The following ESRRG variants were observed in gnomAD, a reference collection of about 807,000 sequenced individuals.
ESRRG encodes the protein estrogen-related receptor gamma.
In ESRRG, 13 loss-of-function variants were observed where a neutral mutation model predicts 44.0. That is an observed-to-expected ratio of 0.30 (90% confidence interval 0.19 to 0.47). The LOEUF (loss-of-function observed/expected upper bound fraction) is 0.47. Ranked by LOEUF, ESRRG falls within the 20% of genes least tolerant of loss-of-function variation. ESRRG has a pLI of 1.00. For missense variants in ESRRG, 395 were observed against 580.6 expected (o/e 0.68, Z 3.29); for synonymous variants, 215 against 214.6 (o/e 1.00, Z -0.02).
upstream of ESRRG, among the ~76,000 whole-genome samples, chr1:217,090,698 C>A (rs1370381732): frequency 1.3e-5 from 2 of 152,186 alleles, no homozygotes; most frequent in Non-Finnish European, 2.9e-5. Context: ...AGAAACTCGA[C>A]TGACACATCA....
chr1:217,021,138 G>A (rs2080253297), intron 1 of ESRRG, among the ~76,000 whole-genome samples: 1 of 151,882 alleles, frequency 6.6e-6, no homozygotes, highest in South Asian at 2.1e-4. Context: ...CATTAGGCTT[G>A]TGGTTGTTTC....
intron 1 of ESRRG, among the ~76,000 whole-genome samples, chr1:216,983,545 A>G (rs1294423718): frequency 6.6e-6 from 1 of 152,156 alleles, no homozygotes; most frequent in Non-Finnish European, 1.5e-5. Context: ...AGGGAGTTCC[A>G]TGACACATCT....
chr1:217,113,912 A>G (rs78458949), intron 1 of ESRRG, among the ~76,000 whole-genome samples: 6,197 of 152,056 alleles, frequency 0.041, 173 homozygotes, highest in African/African-American at 0.07. Flanking sequence ...AGGATTGCCT[A>G]AGCTCAGGAG....
intron 1 of ESRRG, among the ~76,000 whole-genome samples, chr1:217,079,985 C>T (rs755228471): frequency 6.6e-6 from 1 of 152,192 alleles, no homozygotes; most frequent in African/African-American, 2.4e-5. Context: ...AATGGGAAAA[C>T]TTTGGCTTGA....
chr1:217,099,051 G>C (rs182264507), intron 1 of ESRRG, among the ~76,000 whole-genome samples: 47 of 152,156 alleles, frequency 3.1e-4, no homozygotes, highest in Admixed American at 2.6e-3. Context: ...TTTGTTTACT[G>C]TCTCGTCTTC....
intron 3 of ESRRG, among the ~76,000 whole-genome samples, chr1:216,581,473 CCA>C (rs1452582192): frequency 6.6e-6 from 1 of 152,092 alleles, no homozygotes; most frequent in African/African-American, 2.4e-5. Flanking sequence ...TTTGGCCCAG[CCA>C]CACGATTCTG....
At chr1:216,515,938 A>G (rs1464045673) in intron 6 of ESRRG, among the ~76,000 whole-genome samples, 1 of 152,062 alleles carries the variant, frequency 6.6e-6, no homozygotes, top group African/African-American at 2.4e-5. Context: ...AGGTGCTTAT[A>G]GAAATATTTT....
At chr1:216,754,836 T>G (rs1230414494) in intron 2 of ESRRG, among the ~76,000 whole-genome samples, 1 of 151,798 alleles carries the variant, frequency 6.6e-6, no homozygotes, top group African/African-American at 2.4e-5. Flanking sequence ...AACGTTCCTT[T>G]TCTATTTCAA....
chr1:216,953,170 G>A (rs777641624), intron 1 of ESRRG, among the ~76,000 whole-genome samples: 14 of 152,084 alleles, frequency 9.2e-5, no homozygotes, highest in Non-Finnish European at 1.8e-4. Flanking sequence ...TTCAGCACAC[G>A]TAATAATTAT....
At chr1:216,547,744 G>A (rs748474620) in intron 5 of ESRRG, among the ~76,000 whole-genome samples, 4 of 151,986 alleles carry the variant, frequency 2.6e-5, no homozygotes, top group Non-Finnish European at 2.9e-5. Context: ...AATAACGCAG[G>A]TGTCTGACAC....
chr1:216,868,292 T>C (rs2096205880), intron 2 of ESRRG, among the ~76,000 whole-genome samples: 2 of 152,088 alleles, frequency 1.3e-5, no homozygotes, highest in Admixed American at 1.3e-4. Flanking sequence ...TTCACCATGT[T>C]AGTCAAGCTG....
chr1:216,803,461 C>T (rs1440076632), intron 2 of ESRRG, among the ~76,000 whole-genome samples: 2 of 152,112 alleles, frequency 1.3e-5, no homozygotes, highest in Admixed American at 1.3e-4. Context: ...ATCCACTTTT[C>T]CCACTTACAG....
intron 1 of ESRRG, among the ~76,000 whole-genome samples, chr1:217,041,319 T>C (rs1023169258): frequency 1.4e-4 from 22 of 152,192 alleles, no homozygotes; most frequent in African/African-American, 5.1e-4. Flanking sequence ...CTATCATTCT[T>C]CTGATACAAG....
At chr1:216,570,768 A>T (rs1475303560) in intron 3 of ESRRG, among the ~76,000 whole-genome samples, 2 of 152,186 alleles carry the variant, frequency 1.3e-5, no homozygotes, top group Non-Finnish European at 1.5e-5. Flanking sequence ...GAGAGGGAAC[A>T]TTTTTTGGAC....
chr1:216,925,185 T>C (rs1560132798), intron 2 of ESRRG, among the ~76,000 whole-genome samples: 1 of 152,186 alleles, frequency 6.6e-6, no homozygotes, highest in Non-Finnish European at 1.5e-5. Context: ...ATGCCTGTAA[T>C]CTCAGCACTT....
chr1:216,773,276 T>C (rs1293608623), intron 2 of ESRRG, among the ~76,000 whole-genome samples: 2 of 152,158 alleles, frequency 1.3e-5, no homozygotes, highest in African/African-American at 2.4e-5. Flanking sequence ...GGATTCACCA[T>C]GGAATTCATG....
chr1:216,568,145 T>C, intron 3 of ESRRG, 47 bp from the exon 4 acceptor site: 2 of 1,332,886 alleles, frequency 1.5e-6, no homozygotes, highest in Non-Finnish European at 2.2e-6. Flanking sequence ...TAGCTATGTT[T>C]GAGACCAATC....
At chr1:216,672,041 A>AGAAGGAAGGAAGGAAGGAAG (rs2075287977) in intron 2 of ESRRG, among the ~76,000 whole-genome samples, 1 of 70,316 alleles carries the variant, frequency 1.4e-5, no homozygotes, top group Non-Finnish European at 3.9e-5. Context: ...AAGGAAGGAA[A>AGAAGGAAGGAAGGAAGGAAG]GAAAGAAGGA....
chr1:216,634,385 A>G (rs569207824), intron 3 of ESRRG, among the ~76,000 whole-genome samples: 75 of 147,006 alleles, frequency 5.1e-4, no homozygotes, highest in African/African-American at 1.8e-3. Context: ...GGGGGAAAAG[A>G]TGGGCAGTGG....
Sources: allele counts gnomAD v4.1 joint callset (sites outside exome capture counted in the v4.1 genomes callset), GRCh38; gene constraint gnomAD v4.1.1; transcripts MANE v1.5; gene names NCBI Gene and HGNC (gene_info 2026-07-23, HGNC 2026-07-21).